Variants in IFT88 observed in about 807,000 individuals in gnomAD.
The protein encoded by IFT88 is intraflagellar transport protein 88 homolog.
Under a neutral mutation model 119.5 loss-of-function variants are expected in IFT88, and 74 were observed. The observed-to-expected ratio is 0.62, with a 90% CI of 0.51 to 0.75. The LOEUF is 0.75. IFT88 is among the 30% of genes least tolerant of loss of function. IFT88 has a pLI of 0.00. For synonymous variants in IFT88, 279 were observed against 316.7 expected (o/e 0.88, Z 1.26); for missense variants, 961 against 977.7 (o/e 0.98, Z 0.23).
At chr13:20,650,160 A>T (rs973499381) in intron 20 of IFT88, among the ~76,000 whole-genome samples, 7 of 152,170 alleles carry the variant, frequency 4.6e-5, no homozygotes, top group African/African-American at 1.2e-4. Context: ...CCTAAAGGTA[A>T]ACAAAGACAC....
chr13:20,620,628 C>T (rs1489503155), intron 14 of IFT88, among the ~76,000 whole-genome samples: 4 of 152,098 alleles, frequency 2.6e-5, no homozygotes, highest in Non-Finnish European at 2.9e-5. Context: ...TGCAGTGGCG[C>T]GATCTCGGCT....
At chr13:20,572,623 TCTTA>T (rs1427021722) in intron 1 of IFT88, among the ~76,000 whole-genome samples, 1 of 152,220 alleles carries the variant, frequency 6.6e-6, no homozygotes, top group African/African-American at 2.4e-5. Context: ...TGTTTATAGT[TCTTA>T]CTTTTGAGGT....
intron 3 of IFT88, among the ~76,000 whole-genome samples, chr13:20,584,042 T>C (rs999819982): frequency 4.6e-5 from 7 of 152,198 alleles, no homozygotes; most frequent in Non-Finnish European, 8.8e-5. Context: ...CTTTATAATA[T>C]GTTTTAAAAT....
At chr13:20,567,665 G>A (rs2035163721) in intron 1 of IFT88, 4 of 988,630 alleles carry the variant, frequency 4.0e-6, no homozygotes, top group African/African-American at 3.4e-5. Context: ...TAATTTTCTT[G>A]TTAGGTGAAG....
intron 1 of IFT88, among the ~76,000 whole-genome samples, chr13:20,568,465 A>C (rs1299550112): frequency 6.6e-6 from 1 of 152,246 alleles, no homozygotes; most frequent in Admixed American, 6.5e-5. Flanking sequence ...AACCTTTTAA[A>C]AATCTGGTTA....
At chr13:20,616,453 T>A (rs1390364980) in intron 14 of IFT88, among the ~76,000 whole-genome samples, 2 of 152,234 alleles carry the variant, frequency 1.3e-5, no homozygotes, top group Non-Finnish European at 2.9e-5. Flanking sequence ...GATTTAGATA[T>A]ACAAATACTT....
chr13:20,647,574 T>G (rs901174662), intron 20 of IFT88, among the ~76,000 whole-genome samples: 1 of 152,218 alleles, frequency 6.6e-6, no homozygotes, highest in Admixed American at 6.5e-5. Flanking sequence ...TTTTATTTTC[T>G]TTACATTCAT....
chr13:20,641,401 A>G lies in IFT88; in HGVS notation c.1682+3A>G, dbSNP rs771927377. 1 of 1,565,966 alleles carries G rather than the reference A, an allele frequency of 6.4e-7. No individual in the cohort carries two copies. The highest frequency in any genetic ancestry group is 8.8e-7 in the Non-Finnish European group (1 of 1,138,468). ...GTTCTTTACCAGATAGCAAATATGT[A>G]TCTTATTTGAAAACCTTAGGGACAG... On this transcript the variant is annotated splice_donor_region_variant and intron_variant, in intron 18 of 25. Transcript: ENST00000351808.
chr13:20,578,249 G>A (rs1292465937), intron 2 of IFT88, among the ~76,000 whole-genome samples: 14 of 150,420 alleles, frequency 9.3e-5, no homozygotes, highest in East Asian at 5.9e-4. Context: ...GAGTTTCACC[G>A]TGTTAGCCAG....
At chr13:20,609,643 C>T (rs891531255) in intron 13 of IFT88, among the ~76,000 whole-genome samples, 1 of 151,992 alleles carries the variant, frequency 6.6e-6, no homozygotes, top group Non-Finnish European at 1.5e-5. Flanking sequence ...ACTTGGGAGG[C>T]TGAGGCAGAA....
intron 23 of IFT88, among the ~76,000 whole-genome samples, 184 bp from the exon 24 acceptor site, chr13:20,670,789 C>T (rs573905730): frequency 3.3e-5 from 5 of 150,960 alleles, no homozygotes; most frequent in Non-Finnish European, 5.9e-5. Context: ...GAGGGGAAGG[C>T]TTGAACCCTC....
At chr13:20,609,763 GAAAAAAAACAA>G (rs1435480963) in intron 13 of IFT88, among the ~76,000 whole-genome samples, 4 of 142,412 alleles carry the variant, frequency 2.8e-5, no homozygotes, top group Non-Finnish European at 6.1e-5. Context: ...CAAACAAACA[GAAAAAAAACAA>G]AAAACAAAAA....
chr13:20,682,061 G>A (rs2057383682), intron 24 of IFT88, among the ~76,000 whole-genome samples: 1 of 152,216 alleles, frequency 6.6e-6, no homozygotes, highest in African/African-American at 2.4e-5. Flanking sequence ...GGTTTGCCAA[G>A]ACTATTTATA....
intron 7 of IFT88, among the ~76,000 whole-genome samples, chr13:20,595,779 C>T (rs140819353): frequency 0.033 from 5,040 of 152,138 alleles, 119 homozygotes; most frequent in Middle Eastern, 0.071. Context: ...GTGGCTCACA[C>T]CTGTAATCCC....
chr13:20,567,726 A>G lies in IFT88; in HGVS notation c.-7+470A>G. 3.1e-6 allele frequency: 4 copies of G among 1,270,368 alleles called. No individual in the cohort carries two copies. The South Asian group carries it at 1.1e-4, about 36-fold the overall frequency. The allele number at this position is 1,270,368 out of a possible 1,614,324, so 78.7% of individuals were successfully genotyped here. ...GAATCAGGAATGAAGATAAAAGTAC[A>G]CAACAATGCAGAAAGCGGTACTTAG... On this transcript the variant is annotated intron_variant, in intron 1 of 25. Transcript: ENST00000351808.
In IFT88 at chr13:20,638,365, G is replaced by C. The variant is rs138582529; in HGVS notation, c.1420G>C (p.Asp474His). The change falls in exon 17 of 26, where the codon GAT becomes CAT. Residue 474 changes from aspartate (D) to histidine (H), a missense_variant. Physicochemically the swap from Asp to His is moderately conservative, Grantham distance 81. Coordinates refer to ENST00000351808, the MANE Select transcript of IFT88 (RefSeq NM_006531.5). ...TTTTGCACAAGCCAGCAGCTATGCAGATATAGCTGTGAACTCTGATAGATA... is the reference window on the plus strand; with the variant it reads ...TTTTGCACAAGCCAGCAGCTATGCACATATAGCTGTGAACTCTGATAGATA... ...KDFAQASSYA[D>H]IAVNSDRYNP... The C allele has an allele frequency of 1.4e-6, 2 of 1,440,592 alleles. No homozygotes were observed. The highest frequency in any genetic ancestry group is 1.8e-6 in the Non-Finnish European group (2 of 1,094,310). 89.2% of individuals were successfully genotyped at this position (1,440,592 alleles called of 1,614,324 possible).
intron 15 of IFT88, among the ~76,000 whole-genome samples, chr13:20,629,004 T>TA (rs908149627): frequency 1.4e-4 from 21 of 151,774 alleles, no homozygotes; most frequent in African/African-American, 3.9e-4. Flanking sequence ...CTCCTTTTTT[T>TA]AAAAAAAAAT....
At chr13:20,639,932 G>A (rs2049618255) in intron 17 of IFT88, among the ~76,000 whole-genome samples, 1 of 151,466 alleles carries the variant, frequency 6.6e-6, no homozygotes, top group Non-Finnish European at 1.5e-5. Flanking sequence ...GGAACCACAG[G>A]TGCGCTCCAC....
intron 4 of IFT88, 104 bp from the exon 5 acceptor site, chr13:20,590,859 ATGTT>A (rs1310319033): frequency 4.0e-6 from 3 of 745,046 alleles, no homozygotes; most frequent in Admixed American, 4.9e-5. Flanking sequence ...GGAATAAATT[ATGTT>A]TGTTTATTTG....
Sources: allele counts gnomAD v4.1 joint callset (sites outside exome capture counted in the v4.1 genomes callset), GRCh38; gene constraint gnomAD v4.1.1; transcripts MANE v1.5; gene names NCBI Gene and HGNC (gene_info 2026-07-23, HGNC 2026-07-21).